Variants in CHST8 observed in about 807,000 individuals in gnomAD.
The protein encoded by CHST8 is GALNAC-4-ST1.
A neutral mutation model predicts 15.0 loss-of-function variants in CHST8; 10 were observed. The ratio of observed to expected loss-of-function variants is 0.67; its 90% CI spans 0.41 to 1.13. The LOEUF is 1.13. Ranked by LOEUF, CHST8 falls within the 50% of genes most tolerant of loss-of-function variation. The probability of loss-of-function intolerance (pLI) is 0.00; values close to 1 mark genes in which losing one functional copy is unlikely to be tolerated. For synonymous variants in CHST8, 259 were observed against 256.6 expected (o/e 1.01, Z -0.09); for missense variants, 634 against 608.2 (o/e 1.04, Z -0.45).
intron 1 of CHST8, among the ~76,000 whole-genome samples, chr19:33,636,073 A>G (rs1972194127): frequency 6.9e-6 from 1 of 144,424 alleles, no homozygotes; most frequent in Non-Finnish European, 1.5e-5. Context: ...GATAACTAAT[A>G]TGAAAGGTTT....
chr19:33,684,265 G>C (rs866060591), intron 2 of CHST8, among the ~76,000 whole-genome samples: 10 of 152,314 alleles, frequency 6.6e-5, no homozygotes, highest in East Asian at 1.9e-4. Context: ...ATGGGGCTGG[G>C]GGGGAGTGGA....
intron 2 of CHST8, among the ~76,000 whole-genome samples, chr19:33,671,273 A>C (rs2145232373): frequency 6.6e-6 from 1 of 152,312 alleles, no homozygotes; most frequent in East Asian, 1.9e-4. Flanking sequence ...ATCCAAATAA[A>C]GCCTTCTTTG....
At chr19:33,645,111 C>T (rs914983565) in intron 1 of CHST8, among the ~76,000 whole-genome samples, 23 of 152,024 alleles carry the variant, frequency 1.5e-4, no homozygotes, top group Non-Finnish European at 2.6e-4. Context: ...CCCAAATGTC[C>T]GTAGTGTGGA....
chr19:33,635,339 G>A (rs1252640436), intron 1 of CHST8, among the ~76,000 whole-genome samples: 1 of 152,172 alleles, frequency 6.6e-6, no homozygotes, highest in African/African-American at 2.4e-5. Flanking sequence ...GGATGGCCTG[G>A]GGGAGGAGAG....
rs1039120153 is a variant in CHST8 at position 33,622,312 on chromosome 19, C to G, written c.-164+16C>G. The G allele has an allele frequency of 6.6e-5, 10 of 152,224 alleles. No homozygotes were observed. The highest frequency in any genetic ancestry group is 2.2e-4 in the African/African-American group (9 of 41,450). The allele number at this position is 152,224 out of a possible 1,614,324, so 9.4% of individuals were successfully genotyped here. On this transcript the variant is annotated intron_variant, in intron 1 of 4. Coordinates refer to ENST00000650847, the MANE Select transcript of CHST8 (RefSeq NM_001127895.2). Reference sequence around the variant, plus strand: ...GCTGCGCCAGGTAAGTGGCTGCGCCCCTGCCCCACCCCTGTTCCCGCCCTG... The same window carrying G: ...GCTGCGCCAGGTAAGTGGCTGCGCCGCTGCCCCACCCCTGTTCCCGCCCTG...
chr19:33,676,598 C>T (rs934965806), intron 2 of CHST8, among the ~76,000 whole-genome samples: 24 of 151,936 alleles, frequency 1.6e-4, no homozygotes, highest in South Asian at 6.3e-4. Flanking sequence ...ATTTTTGCCC[C>T]GGTGTGATGG....
rs370700722 is a variant in CHST8 at position 33,733,648 on chromosome 19, A to T, written c.131-37765A>T. Among the ~76,000 whole-genome samples, 23 of 152,322 alleles carry T rather than the reference A, an allele frequency of 1.5e-4. No individual in the cohort carries two copies. The East Asian group carries it at 4.4e-3, about 29-fold the overall frequency. ...TTATCTCTTTACTAGTTGTTCTTGC[A>T]TCTGTCAGTTCCATTCTGATTTATG... On this transcript the variant is annotated intron_variant, in intron 3 of 4. Transcript: ENST00000650847.
intron 3 of CHST8, among the ~76,000 whole-genome samples, chr19:33,760,006 C>T (rs1005434221): frequency 3.3e-5 from 5 of 152,256 alleles, no homozygotes; most frequent in Middle Eastern, 3.4e-3. Context: ...CTCCATCTCC[C>T]GAAATGTTCT....
At chr19:33,648,303 C>T (rs1435683451) in intron 1 of CHST8, among the ~76,000 whole-genome samples, 2 of 152,136 alleles carry the variant, frequency 1.3e-5, no homozygotes, top group Non-Finnish European at 2.9e-5. Context: ...CAGTATGTTC[C>T]CAGTGTTGTG....
At chr19:33,739,303 A>T (rs1974142812) in intron 3 of CHST8, among the ~76,000 whole-genome samples, 1 of 152,072 alleles carries the variant, frequency 6.6e-6, no homozygotes, top group Non-Finnish European at 1.5e-5. Flanking sequence ...AGCAGAGGAA[A>T]ATTAGCTCCA....
chr19:33,699,260 G>A (rs1476453823), intron 3 of CHST8, among the ~76,000 whole-genome samples: 2 of 152,156 alleles, frequency 1.3e-5, no homozygotes, highest in South Asian at 2.1e-4. Flanking sequence ...CACGGGAGGA[G>A]GAAGCTCGGG....
chr19:33,668,310 C>G (rs1203770781), intron 2 of CHST8, among the ~76,000 whole-genome samples: 1 of 152,204 alleles, frequency 6.6e-6, no homozygotes, highest in Non-Finnish European at 1.5e-5. Flanking sequence ...GCCATGCACA[C>G]TGCCTAACAC....
rs188640721 is a variant in CHST8 at position 33,759,187 on chromosome 19, C to T, written c.131-12226C>T. 7.0e-4 allele frequency among the ~76,000 whole-genome samples: 107 copies of T among 152,312 alleles called. 1 individual carries two copies. Among genetic ancestry groups the T allele is most frequent in the African/African-American group, 2.5e-3 (104 of 41,576 alleles). The stretch of plus-strand genomic sequence containing the variant: ...CTTCAACATGAGATTTGGGCGGGGA[C>T]GAATGTCCAAACTACATCAAGACAG... On this transcript the variant is annotated intron_variant, in intron 3 of 4. Coordinates refer to ENST00000650847, the MANE Select transcript of CHST8 (RefSeq NM_001127895.2).
At chr19:33,649,781 C>T (rs1451351957) in intron 1 of CHST8, among the ~76,000 whole-genome samples, 6 of 152,134 alleles carry the variant, frequency 3.9e-5, no homozygotes, top group Admixed American at 3.9e-4. Flanking sequence ...GAGAAAGTTA[C>T]TGAAATCAGT....
intron 1 of CHST8, among the ~76,000 whole-genome samples, chr19:33,644,278 T>C (rs1972321485): frequency 6.6e-6 from 1 of 152,160 alleles, no homozygotes. Flanking sequence ...AGCTGATCCA[T>C]GTACTCAACA....
intron 1 of CHST8, among the ~76,000 whole-genome samples, chr19:33,634,836 G>A (rs185643576): frequency 3.3e-3 from 498 of 152,188 alleles, no homozygotes; most frequent in Middle Eastern, 6.8e-3. Context: ...CTGACTTGGC[G>A]GGGACTCGTT....
chr19:33,732,886 T>C (rs1455191590), intron 3 of CHST8, among the ~76,000 whole-genome samples: 1 of 152,196 alleles, frequency 6.6e-6, no homozygotes, highest in African/African-American at 2.4e-5. Context: ...ACCTCCTTCA[T>C]GGAGGGCATA....
At chr19:33,746,209 C>T (rs1399963643) in intron 3 of CHST8, among the ~76,000 whole-genome samples, 7 of 152,252 alleles carry the variant, frequency 4.6e-5, no homozygotes, top group South Asian at 2.1e-4. Flanking sequence ...ATGTTCACAT[C>T]GTTTTTTATC....
At chr19:33,669,526 A>G (rs1219274051) in intron 2 of CHST8, among the ~76,000 whole-genome samples, 2 of 152,306 alleles carry the variant, frequency 1.3e-5, no homozygotes, top group Non-Finnish European at 2.9e-5. Flanking sequence ...GCAAAGCTCC[A>G]TTCTCTGCTT....
Sources: allele counts gnomAD v4.1 joint callset (sites outside exome capture counted in the v4.1 genomes callset), GRCh38; gene constraint gnomAD v4.1.1; transcripts MANE v1.5; gene names NCBI Gene and HGNC (gene_info 2026-07-23, HGNC 2026-07-21).